Variants in CEP63 observed in about 807,000 individuals in gnomAD.
The protein encoded by CEP63 is centrosomal protein of 63 kDa.
Under a neutral mutation model 89.1 loss-of-function variants are expected in CEP63, and 84 were observed. The ratio of observed to expected loss-of-function variants is 0.94; its 90% CI spans 0.79 to 1.13. The LOEUF is 1.13. CEP63 is among the 50% of genes most tolerant of loss of function. The pLI, the probability that CEP63 is intolerant of heterozygous loss-of-function variation, is 0.00. For synonymous variants in CEP63, 267 were observed against 272.5 expected (o/e 0.98, Z 0.20); for missense variants, 838 against 813.3 (o/e 1.03, Z -0.37).
the CEP63 span, among the ~76,000 whole-genome samples, chr3:134,661,900 T>C: frequency 1.3e-5 from 2 of 152,004 alleles, no homozygotes; most frequent in African/African-American, 4.8e-5. Context: ...GTCATAAGGC[T>C]GGATCCCTCA....
intron 1 of CEP63, among the ~76,000 whole-genome samples, chr3:134,490,041 C>G (rs1188449423): frequency 6.6e-6 from 1 of 152,028 alleles, no homozygotes; most frequent in East Asian, 1.9e-4. Flanking sequence ...GATTTCTGGT[C>G]TTCAAGGAGC....
chr3:134,526,473 CT>C (rs1297334373), intron 3 of CEP63, among the ~76,000 whole-genome samples: 1 of 152,142 alleles, frequency 6.6e-6, no homozygotes, highest in Non-Finnish European at 1.5e-5. Flanking sequence ...CTTCTCTATA[CT>C]GCCGATTTTG....
chr3:134,505,819 G>T (rs1184628621), intron 2 of CEP63, among the ~76,000 whole-genome samples: 2 of 152,176 alleles, frequency 1.3e-5, no homozygotes, highest in Non-Finnish European at 2.9e-5. Context: ...AGTGGTGTGT[G>T]TGGACTCCCA....
At chr3:134,495,932 A>G (rs1193233289) in intron 2 of CEP63, among the ~76,000 whole-genome samples, 1 of 152,234 alleles carries the variant, frequency 6.6e-6, no homozygotes, top group African/African-American at 2.4e-5. Context: ...ATAGTATTCC[A>G]TGATGGATAT....
At chr3:134,740,581 G>A in the CEP63 span, among the ~76,000 whole-genome samples, 2 of 152,242 alleles carry the variant, frequency 1.3e-5, no homozygotes, top group East Asian at 1.9e-4. Context: ...ACAGGCGTGA[G>A]CCACCGTGCC....
At chr3:134,728,118 C>A in the CEP63 span, among the ~76,000 whole-genome samples, 2 of 152,116 alleles carry the variant, frequency 1.3e-5, no homozygotes, top group South Asian at 4.1e-4. Flanking sequence ...ACATGTTTAA[C>A]CTCACTAAAA....
At chr3:134,584,964 T>TG (rs755830444) in intron 10 of CEP63, among the ~76,000 whole-genome samples, 93,134 of 135,600 alleles carry the variant, frequency 0.69, 34,493 homozygotes, top group East Asian at 0.85. Flanking sequence ...GGGTTTTTTT[T>TG]TTTTTTTTTT....
At chr3:134,532,462 C>A (rs556750364) in intron 4 of CEP63, among the ~76,000 whole-genome samples, 1 of 152,128 alleles carries the variant, frequency 6.6e-6, no homozygotes, top group East Asian at 1.9e-4. Flanking sequence ...GAATCACAGA[C>A]CTAGAGGAAA....
intron 2 of CEP63, among the ~76,000 whole-genome samples, chr3:134,499,652 T>G (rs1941350227): frequency 6.6e-6 from 1 of 152,082 alleles, no homozygotes; most frequent in African/African-American, 2.4e-5. Context: ...GGGGTACATG[T>G]GCTGGTTTGT....
At chr3:134,541,760 G>A (rs1020206637) in intron 6 of CEP63, among the ~76,000 whole-genome samples, 4 of 151,878 alleles carry the variant, frequency 2.6e-5, no homozygotes, top group East Asian at 1.9e-4. Context: ...TGATCCACCC[G>A]CCTCAGCCTC....
chr3:134,588,945 T>C (rs1958543118), downstream of CEP63, among the ~76,000 whole-genome samples: 1 of 152,218 alleles, frequency 6.6e-6, no homozygotes, highest in African/African-American at 2.4e-5. Flanking sequence ...TGCCAACAGC[T>C]GTAAACATTT....
chr3:134,650,722 A>C, the CEP63 span: 448 of 1,122,150 alleles, frequency 4.0e-4, 2 homozygotes, highest in African/African-American at 6.3e-3. Flanking sequence ...GGGTTCGCTG[A>C]CCTCGTTCGG....
At chr3:134,489,617 C>T (rs560440235) in intron 1 of CEP63, among the ~76,000 whole-genome samples, 3 of 152,206 alleles carry the variant, frequency 2.0e-5, no homozygotes, top group East Asian at 1.9e-4. Context: ...GAGGTTGCAA[C>T]GTGGTGATTA....
At chr3:134,756,224 A>G in the CEP63 span, among the ~76,000 whole-genome samples, 1 of 152,330 alleles carries the variant, frequency 6.6e-6, no homozygotes, top group African/African-American at 2.4e-5. Context: ...GATTGGAGAC[A>G]ATTCCCTATG....
chr3:134,666,320 C>A, the CEP63 span, among the ~76,000 whole-genome samples: 12 of 152,320 alleles, frequency 7.9e-5, no homozygotes, highest in South Asian at 1.9e-3. Flanking sequence ...AATGCAGGTG[C>A]CTGGGACCAA....
the CEP63 span, among the ~76,000 whole-genome samples, chr3:134,770,175 T>C: frequency 6.6e-6 from 1 of 152,252 alleles, no homozygotes; most frequent in Non-Finnish European, 1.5e-5. Context: ...GAGATCTGGC[T>C]GCCCACTGAA....
chr3:134,663,981 G>A, the CEP63 span, among the ~76,000 whole-genome samples: 1 of 152,190 alleles, frequency 6.6e-6, no homozygotes, highest in African/African-American at 2.4e-5. Context: ...CAGGGCTTGG[G>A]GAGAGCTTCT....
the CEP63 span, among the ~76,000 whole-genome samples, chr3:134,685,007 T>TG: frequency 2.9e-4 from 44 of 152,150 alleles, 1 homozygote; most frequent in Non-Finnish European, 5.0e-4. Context: ...AAGGATTACA[T>TG]GGATGCTGGG....
chr3:134,560,247 C>G (rs1269620679), intron 14 of CEP63, among the ~76,000 whole-genome samples: 1 of 152,156 alleles, frequency 6.6e-6, no homozygotes, highest in African/African-American at 2.4e-5. Flanking sequence ...TCAGAAATAT[C>G]AGTGTGTTTG....
Sources: allele counts gnomAD v4.1 joint callset (sites outside exome capture counted in the v4.1 genomes callset), GRCh38; gene constraint gnomAD v4.1.1; transcripts MANE v1.5; gene names NCBI Gene and HGNC (gene_info 2026-07-23, HGNC 2026-07-21).